The following EXOC4 variants were observed in gnomAD, a reference collection of about 807,000 sequenced individuals.
EXOC4 encodes the protein SEC8-like 1.
A neutral mutation model predicts 107.2 loss-of-function variants in EXOC4; 71 were observed. The observed-to-expected ratio is 0.66, with a 90% confidence interval of 0.55 to 0.81. EXOC4 has a LOEUF of 0.81. Ranked by LOEUF, EXOC4 falls within the 30% of genes least tolerant of loss-of-function variation. The probability of loss-of-function intolerance (pLI) is 0.00; values close to 1 mark genes in which losing one functional copy is unlikely to be tolerated. For synonymous variants in EXOC4, 456 were observed against 441.2 expected (o/e 1.03, Z -0.42); for missense variants, 1,108 against 1,189.6 (o/e 0.93, Z 1.01).
chr7:133,585,280 G>A (rs1445498774), intron 9 of EXOC4, among the ~76,000 whole-genome samples: 1 of 152,094 alleles, frequency 6.6e-6, no homozygotes, highest in Non-Finnish European at 1.5e-5. Context: ...CTAAACTTTA[G>A]GTTTCTTATG....
At chr7:133,955,496 G>T (rs1015579963) in intron 14 of EXOC4, among the ~76,000 whole-genome samples, 1 of 152,198 alleles carries the variant, frequency 6.6e-6, no homozygotes, top group East Asian at 1.9e-4. Context: ...GCTTCAGAGG[G>T]GAGGAAGTGT....
At chr7:133,898,173 C>T (rs1320086695) in intron 12 of EXOC4, among the ~76,000 whole-genome samples, 1 of 152,054 alleles carries the variant, frequency 6.6e-6, no homozygotes, top group African/African-American at 2.4e-5. Flanking sequence ...CAGTGTCAGT[C>T]TTTAGGGTAT....
intron 11 of EXOC4, among the ~76,000 whole-genome samples, 184 bp from the exon 12 acceptor site, chr7:133,895,415 G>C (rs7805562): frequency 0.012 from 1,882 of 152,286 alleles, 34 homozygotes; most frequent in African/African-American, 0.043. Context: ...GGGAGCTGTA[G>C]ACCAGAGCTG....
chr7:133,358,136 C>T (rs560390057), intron 6 of EXOC4, among the ~76,000 whole-genome samples: 62 of 152,152 alleles, frequency 4.1e-4, no homozygotes, highest in Non-Finnish European at 6.8e-4. Flanking sequence ...TGCAGTGAGC[C>T]GAGCACACTA....
chr7:133,528,691 A>G (rs949746744), intron 9 of EXOC4, among the ~76,000 whole-genome samples: 2 of 152,202 alleles, frequency 1.3e-5, no homozygotes, highest in African/African-American at 2.4e-5. Context: ...TTAATTTTCT[A>G]TAAACCTAAA....
At chr7:133,375,740 T>G (rs1384211141) in intron 7 of EXOC4, among the ~76,000 whole-genome samples, 1 of 152,194 alleles carries the variant, frequency 6.6e-6, no homozygotes, top group Non-Finnish European at 1.5e-5. Context: ...TTTTGAGAGA[T>G]GAGAATAGAT....
chr7:133,925,988 G>A (rs899717644), intron 13 of EXOC4, among the ~76,000 whole-genome samples: 4 of 145,894 alleles, frequency 2.7e-5, no homozygotes, highest in South Asian at 2.2e-4. Context: ...GCAGTGAGCC[G>A]AGATTGCGCC....
chr7:133,424,504 ACACT>A (rs1797680190), intron 7 of EXOC4, among the ~76,000 whole-genome samples: 1 of 152,044 alleles, frequency 6.6e-6, no homozygotes, highest in African/African-American at 2.4e-5. Flanking sequence ...AAGAACTGTA[ACACT>A]CACCGTGAGG....
chr7:133,506,818 T>G (rs1254261183), intron 9 of EXOC4, among the ~76,000 whole-genome samples: 2 of 152,114 alleles, frequency 1.3e-5, no homozygotes, highest in South Asian at 2.1e-4. Flanking sequence ...CTAGCCAGGT[T>G]TAGCATATTT....
At chr7:133,934,379 G>A (rs1585259603) in intron 13 of EXOC4, among the ~76,000 whole-genome samples, 1 of 152,106 alleles carries the variant, frequency 6.6e-6, no homozygotes, top group Admixed American at 6.5e-5. Context: ...GTTGTTAGGG[G>A]GTGATTATGG....
At chr7:133,924,595 A>G (rs574594623) in intron 13 of EXOC4, among the ~76,000 whole-genome samples, 8 of 152,202 alleles carry the variant, frequency 5.3e-5, no homozygotes, top group Admixed American at 2.0e-4. Flanking sequence ...AATTAAATGT[A>G]TATTTCTTAA....
chr7:133,636,269 C>G (rs777921338), intron 10 of EXOC4, among the ~76,000 whole-genome samples: 2 of 152,110 alleles, frequency 1.3e-5, no homozygotes, highest in Non-Finnish European at 2.9e-5. Context: ...CAACGCTTAA[C>G]CAGAAAGAGA....
intron 9 of EXOC4, among the ~76,000 whole-genome samples, chr7:133,585,964 G>A (rs1336537882): frequency 6.6e-6 from 1 of 152,062 alleles, no homozygotes; most frequent in African/African-American, 2.4e-5. Flanking sequence ...CAGAGTGCTG[G>A]GATTACACGT....
In EXOC4 at chr7:134,014,333, G is replaced by T. The variant is rs143911231; in HGVS notation, c.2687+6498G>T. ...GCAGGAGAATGCTTGAACCTGGGAG[G>T]CAGAGCTTGCAGTCAGCCGAGATCG... On this transcript the variant is annotated intron_variant, in intron 17 of 17. Transcript: ENST00000253861. Among the ~76,000 whole-genome samples, 103 of 152,258 alleles carry T rather than the reference G, an allele frequency of 6.8e-4. 1 individual carries two copies. The East Asian group carries it at 0.019, about 27-fold the overall frequency.
Position 133,402,585 on chromosome 7 carries a change from G to A in EXOC4, c.1182+27583G>A, listed in dbSNP as rs573176562. Among the ~76,000 whole-genome samples, 20 of 152,272 alleles carry A rather than the reference G, an allele frequency of 1.3e-4. No homozygotes were observed. In the South Asian group the frequency reaches 2.9e-3, roughly 22 times the overall value. ...ACCATCTTGGCTCACTGCAACCTCCGCCTTCCAGGTTCAAGCAGTTCTCCT... is the reference window on the plus strand; with the variant it reads ...ACCATCTTGGCTCACTGCAACCTCCACCTTCCAGGTTCAAGCAGTTCTCCT... On this transcript the variant is annotated intron_variant, in intron 7 of 17. Transcript: ENST00000253861.
chr7:134,068,188 CT>C (rs1796212949), downstream of EXOC4, among the ~76,000 whole-genome samples: 1 of 152,184 alleles, frequency 6.6e-6, no homozygotes, highest in Admixed American at 6.5e-5. Flanking sequence ...TTTTCATGAC[CT>C]TTCCTCCTTG....
chr7:133,479,280 T>C (rs1163988576), intron 8 of EXOC4: 4 of 152,178 alleles, frequency 2.6e-5, no homozygotes, highest in Admixed American at 2.6e-4. Context: ...TTAAGACTGA[T>C]TTGTTTTTGT....
Position 133,644,268 on chromosome 7 carries a change from A to G in EXOC4, c.1514+14127A>G, listed in dbSNP as rs561567557. 2.0e-5 allele frequency among the ~76,000 whole-genome samples: 3 copies of G among 152,258 alleles called. No homozygotes were observed. In the South Asian group the frequency reaches 6.2e-4, roughly 32 times the overall value. ...GCTCTACAGAAGTCAGACTATTCTGATTGCTGCTCTGCCCTTGCTGTCCAT... is the reference window on the plus strand; with the variant it reads ...GCTCTACAGAAGTCAGACTATTCTGGTTGCTGCTCTGCCCTTGCTGTCCAT... On this transcript the variant is annotated intron_variant, in intron 10 of 17. Transcript: ENST00000253861.
chr7:133,911,313 A>G (rs1799690030), intron 12 of EXOC4, among the ~76,000 whole-genome samples: 1 of 152,226 alleles, frequency 6.6e-6, no homozygotes, highest in Non-Finnish European at 1.5e-5. Flanking sequence ...CTGGTTTACC[A>G]GAAAATCAAA....
Sources: allele counts gnomAD v4.1 joint callset (sites outside exome capture counted in the v4.1 genomes callset), GRCh38; gene constraint gnomAD v4.1.1; transcripts MANE v1.5; gene names NCBI Gene and HGNC (gene_info 2026-07-23, HGNC 2026-07-21).